The following PLXNA4 variants were observed in gnomAD, a reference collection of about 807,000 sequenced individuals.
PLXNA4 encodes plexin A4, also known as plexin-A4.
Under a neutral mutation model 191.8 loss-of-function variants are expected in PLXNA4, and 44 were observed. That is an observed-to-expected ratio of 0.23 (90% confidence interval 0.18 to 0.29). The LOEUF is 0.29. Ranked by LOEUF, PLXNA4 falls within the 10% of genes least tolerant of loss-of-function variation. The pLI, the probability that PLXNA4 is intolerant of heterozygous loss-of-function variation, is 1.00. For missense variants in PLXNA4, 1,800 were observed against 2,488.8 expected, an observed-to-expected ratio of 0.72 and a Z score of 5.89; for synonymous variants, 1,082 against 1,009.5, an observed-to-expected ratio of 1.07 and a Z score of -1.36.
At chr7:132,265,376 G>T (rs1430035696) in intron 4 of PLXNA4, among the ~76,000 whole-genome samples, 1 of 152,190 alleles carries the variant, frequency 6.6e-6, no homozygotes, top group African/African-American at 2.4e-5. Flanking sequence ...TGCTATATTG[G>T]TCAGGTCAGG....
At chr7:132,236,528 C>T (rs1168389348) in intron 5 of PLXNA4, among the ~76,000 whole-genome samples, 1 of 152,176 alleles carries the variant, frequency 6.6e-6, no homozygotes, top group Non-Finnish European at 1.5e-5. Context: ...GGGTCTTGCC[C>T]ATGGTGGGGG....
intron 2 of PLXNA4, among the ~76,000 whole-genome samples, chr7:132,623,372 AAAAAG>A (rs1803310105): frequency 6.6e-6 from 1 of 152,006 alleles, no homozygotes; most frequent in Non-Finnish European, 1.5e-5. Flanking sequence ...ATAAAGAAAG[AAAAAG>A]AAAAGAAAAA....
chr7:132,188,121 C>T (rs924088494), intron 14 of PLXNA4, among the ~76,000 whole-genome samples: 1 of 152,084 alleles, frequency 6.6e-6, no homozygotes, highest in Non-Finnish European at 1.5e-5. Flanking sequence ...TCCCACAGGT[C>T]TCTACAAAGA....
chr7:132,345,950 C>G (rs1381386083), intron 3 of PLXNA4, among the ~76,000 whole-genome samples: 1 of 152,210 alleles, frequency 6.6e-6, no homozygotes, highest in Non-Finnish European at 1.5e-5. Flanking sequence ...CTTTCCCCAT[C>G]TGCTGCGTGA....
intron 1 of PLXNA4, among the ~76,000 whole-genome samples, chr7:132,565,115 A>C (rs1801659986): frequency 6.6e-6 from 1 of 151,908 alleles, no homozygotes. Context: ...ATTTTCTTTC[A>C]CCTTGTGTGT....
At chr7:132,510,783 C>T (rs1301694197) in intron 1 of PLXNA4, among the ~76,000 whole-genome samples, 1 of 152,128 alleles carries the variant, frequency 6.6e-6, no homozygotes, top group Non-Finnish European at 1.5e-5. Flanking sequence ...GAGGGGTCTA[C>T]ATAGCAGAAG....
At chr7:132,191,790 C>CTCTCTCTCTCTCTCTCTCTCTCTG (rs1428800606) in intron 14 of PLXNA4, among the ~76,000 whole-genome samples, 1 of 151,336 alleles carries the variant, frequency 6.6e-6, no homozygotes, top group African/African-American at 2.4e-5. Flanking sequence ...CTCTCTCTCT[C>CTCTCTCTCTCTCTCTCTCTCTCTG]TCTCTGTCTC....
At chr7:132,258,776 C>T (rs970557403) in intron 4 of PLXNA4, among the ~76,000 whole-genome samples, 1 of 152,188 alleles carries the variant, frequency 6.6e-6, no homozygotes, top group Admixed American at 6.5e-5. Context: ...GCTGCACTAA[C>T]CTAATTCTAG....
At position 132,202,754 on chromosome 7, in the gene PLXNA4, G is replaced by A; in HGVS notation, c.2478C>T (p.Cys826=). 1 of 1,611,794 alleles carries A rather than the reference G, an allele frequency of 6.2e-7. No homozygotes were observed. Among genetic ancestry groups the A allele is most frequent in the Non-Finnish European group, 8.5e-7 (1 of 1,179,092 alleles). Residue 826 remains cysteine, a synonymous_variant, in exon 12 of 32, where the codon TGC becomes TGT. Coordinates refer to ENST00000321063, the MANE Select transcript of PLXNA4 (RefSeq NM_020911.2). ...GCAGGGTGCACTGGCCTGGGCCCTG[G>A]CACCAGCCACATGCGAAGTCTGGGT... ...KADPDFACGW[C]QGPGQCTLRQ... is the part of the protein sequence containing the mutation.
intron 1 of PLXNA4, among the ~76,000 whole-genome samples, chr7:132,524,651 C>T (rs1799327158): frequency 1.3e-5 from 2 of 152,168 alleles, no homozygotes; most frequent in Non-Finnish European, 2.9e-5. Context: ...TCTCGGCTCA[C>T]TACAACCTCT....
At chr7:132,311,573 A>T (rs189101263) in intron 3 of PLXNA4, among the ~76,000 whole-genome samples, 16 of 152,304 alleles carry the variant, frequency 1.1e-4, no homozygotes. Context: ...GTTCAGTGTC[A>T]CCAGCAAAAA....
intron 1 of PLXNA4, among the ~76,000 whole-genome samples, chr7:132,553,108 T>C (rs571466855): frequency 5.9e-4 from 90 of 152,288 alleles, no homozygotes; most frequent in African/African-American, 2.0e-3. Context: ...AACCTGCTGC[T>C]CTGAATGCCT....
intron 4 of PLXNA4, among the ~76,000 whole-genome samples, chr7:132,272,181 C>T (rs1294704871): frequency 6.6e-6 from 1 of 152,170 alleles, no homozygotes; most frequent in Non-Finnish European, 1.5e-5. Context: ...GTTTTATGTC[C>T]TTCAGTCTTC....
intron 1 of PLXNA4, among the ~76,000 whole-genome samples, chr7:132,571,994 G>A (rs1802002133): frequency 1.3e-5 from 2 of 152,106 alleles, no homozygotes; most frequent in African/African-American, 2.4e-5. Context: ...TGGGGAAATC[G>A]AGGCTCAGTG....
At chr7:132,498,604 A>T (rs1798124895) in intron 2 of PLXNA4, among the ~76,000 whole-genome samples, 1 of 152,142 alleles carries the variant, frequency 6.6e-6, no homozygotes, top group African/African-American at 2.4e-5. Flanking sequence ...TAGCCAAACC[A>T]TGAGAGTATG....
intron 11 of PLXNA4, 104 bp from the exon 12 acceptor site, chr7:132,202,940 G>T (rs913670186): frequency 1.1e-5 from 14 of 1,229,436 alleles, no homozygotes; most frequent in South Asian, 1.7e-5. Context: ...GGGGTGATGG[G>T]GCACAAAGGC....
chr7:132,189,294 T>C (rs1298228358), intron 14 of PLXNA4, among the ~76,000 whole-genome samples: 1 of 151,952 alleles, frequency 6.6e-6, no homozygotes, highest in Non-Finnish European at 1.5e-5. Flanking sequence ...TGAGAAGCTA[T>C]TAATTATTCA....
chr7:132,354,058 C>T (rs77262067), intron 3 of PLXNA4, among the ~76,000 whole-genome samples: 2,600 of 152,252 alleles, frequency 0.017, 35 homozygotes, highest in Non-Finnish European at 0.028. Context: ...AAGAGTGGGA[C>T]CTCCTGGAAT....
intron 2 of PLXNA4, among the ~76,000 whole-genome samples, chr7:132,503,051 G>C (rs921340732): frequency 6.6e-6 from 1 of 152,126 alleles, no homozygotes; most frequent in African/African-American, 2.4e-5. Flanking sequence ...TCTCCACACC[G>C]CCTAATCAGT....
Sources: gnomAD v4.1 joint callset for allele counts (sites outside exome capture counted in the v4.1 genomes callset) on GRCh38, gnomAD v4.1.1 for gene constraint, MANE v1.5 for transcripts, NCBI Gene and HGNC (gene_info 2026-07-23, HGNC 2026-07-21) for gene names.